SLC9D1: variants seen among roughly 807,000 people sequenced by gnomAD.
SLC9D1 encodes putative LAG1-interacting protein.
chr13:113,510,417 CAAA>C, the SLC9D1 span: 4 of 1,611,380 alleles, frequency 2.5e-6, no homozygotes, highest in Admixed American at 5.0e-5. Context: ...CTCGGGGTGA[CAAA>C]GAAGGTAGGT....
At chr13:113,540,207 G>A in the SLC9D1 span, among the ~76,000 whole-genome samples, 2 of 152,192 alleles carry the variant, frequency 1.3e-5, no homozygotes, top group African/African-American at 2.4e-5. Flanking sequence ...ACGTGTGAGT[G>A]CGTGTGTCTT....
At chr13:113,498,214 A>G in the SLC9D1 span, 32 of 678,874 alleles carry the variant, frequency 4.7e-5, no homozygotes, top group Non-Finnish European at 6.6e-5. Flanking sequence ...TGACTTCCCT[A>G]GCTGACCAGA....
the SLC9D1 span, among the ~76,000 whole-genome samples, chr13:113,531,547 C>T: frequency 2.6e-5 from 4 of 151,356 alleles, no homozygotes; most frequent in African/African-American, 4.9e-5. Context: ...GAGCAGCACA[C>T]GCGTGGACCT....
the SLC9D1 span, among the ~76,000 whole-genome samples, chr13:113,540,609 A>G: frequency 6.6e-6 from 1 of 152,148 alleles, no homozygotes; most frequent in East Asian, 1.9e-4. Context: ...AGATTTGTTT[A>G]AGTTCCTGAT....
the SLC9D1 span, chr13:113,495,915 C>T: frequency 1.2e-6 from 2 of 1,613,936 alleles, no homozygotes; most frequent in Non-Finnish European, 1.7e-6. Flanking sequence ...TTCCGTTTTC[C>T]AAGCTGTCTA....
chr13:113,504,337 T>G, the SLC9D1 span: 17 of 152,222 alleles, frequency 1.1e-4, no homozygotes, highest in Admixed American at 9.8e-4. Context: ...TTTTTTAATT[T>G]AAAATTTTTT....
At chr13:113,506,624 G>A in the SLC9D1 span, among the ~76,000 whole-genome samples, 258 of 152,092 alleles carry the variant, frequency 1.7e-3, no homozygotes, top group Non-Finnish European at 3.0e-3. Flanking sequence ...GGGCCAACCC[G>A]TAGGGGAGGT....
chr13:113,526,148 G>A, the SLC9D1 span, among the ~76,000 whole-genome samples: 1 of 152,222 alleles, frequency 6.6e-6, no homozygotes, highest in African/African-American at 2.4e-5. Context: ...GGAAGACAGC[G>A]ACACTGATGG....
chr13:113,494,114 T>G, the SLC9D1 span, among the ~76,000 whole-genome samples: 1 of 152,226 alleles, frequency 6.6e-6, no homozygotes, highest in African/African-American at 2.4e-5. Context: ...GGGGAATCTT[T>G]GTAATATGTG....
chr13:113,530,189 G>A, the SLC9D1 span: 1 of 152,240 alleles, frequency 6.6e-6, no homozygotes, highest in African/African-American at 2.4e-5. Context: ...TGAATTACTG[G>A]TTGCCGGAGG....
the SLC9D1 span, chr13:113,549,392 C>CT: frequency 1.1e-5 from 17 of 1,609,964 alleles, no homozygotes; most frequent in South Asian, 1.9e-4. Flanking sequence ...TCCTGACAGT[C>CT]TCTGTGACCC....
the SLC9D1 span, chr13:113,501,651 T>C: frequency 1.1e-6 from 1 of 890,626 alleles, no homozygotes. Context: ...TCCCATCAGG[T>C]GAAATCGGGG....
the SLC9D1 span, among the ~76,000 whole-genome samples, chr13:113,525,229 C>T: frequency 7.9e-5 from 12 of 152,248 alleles, no homozygotes; most frequent in Non-Finnish European, 1.2e-4. Flanking sequence ...CAGCAGTGGT[C>T]GGGTGGGATT....
At chr13:113,539,246 G>T in the SLC9D1 span, 1 of 1,022,022 alleles carries the variant, frequency 9.8e-7, no homozygotes, top group Non-Finnish European at 1.5e-6. The surrounding 1 kb of genome is among the most constrained non-coding windows in gnomAD (Gnocchi z 4.8). Context: ...TGTTTGTGCA[G>T]CTTCTGTGTT....
the SLC9D1 span, among the ~76,000 whole-genome samples, chr13:113,547,687 A>G: frequency 6.6e-6 from 1 of 152,216 alleles, no homozygotes. Flanking sequence ...AGATGCAGAC[A>G]TGCTTTTTAA....
chr13:113,537,462 G>A, the SLC9D1 span, among the ~76,000 whole-genome samples: 53 of 152,238 alleles, frequency 3.5e-4, no homozygotes, highest in Admixed American at 2.1e-3. Flanking sequence ...GTCGCCGTGC[G>A]CACCAGCACT....
chr13:113,505,456 G>C, the SLC9D1 span: 2 of 152,130 alleles, frequency 1.3e-5, no homozygotes, highest in Admixed American at 1.3e-4. Flanking sequence ...AGCATCTAAC[G>C]GTCAGTTCAG....
chr13:113,546,703 T>C, the SLC9D1 span, among the ~76,000 whole-genome samples: 1 of 152,106 alleles, frequency 6.6e-6, no homozygotes, highest in African/African-American at 2.4e-5. The surrounding 1 kb of genome is among the most constrained non-coding windows in gnomAD (Gnocchi z 7.1). Flanking sequence ...CTCCAGGCTG[T>C]GGCTGGAGAG....
chr13:113,548,337 T>G, the SLC9D1 span: 5 of 1,613,966 alleles, frequency 3.1e-6, no homozygotes, highest in Non-Finnish European at 4.2e-6. Context: ...TCTCTCATTC[T>G]GCCGAGGAGC....
Sources: allele counts gnomAD v4.1 joint callset (sites outside exome capture counted in the v4.1 genomes callset), GRCh38; gene constraint gnomAD v4.1.1; non-coding constraint Gnocchi (gnomAD v3.1); transcripts MANE v1.5; gene names NCBI Gene and HGNC (gene_info 2026-07-23, HGNC 2026-07-21).